PLCB1: variants seen among roughly 807,000 people sequenced by gnomAD.
PLCB1 encodes 1-phosphatidylinositol 4,5-bisphosphate phosphodiesterase beta-1.
PLCB1 carries 46 observed loss-of-function variants against 161.8 expected under a neutral mutation model. The observed-to-expected ratio is 0.28, with a 90% confidence interval of 0.22 to 0.36. The LOEUF is 0.36. Among genes scored for constraint, PLCB1 ranks in the 10% least tolerant of loss-of-function variants. PLCB1 has a pLI of 1.00. For synonymous variants in PLCB1, 517 were observed against 503.7 expected (o/e 1.03, Z -0.35); for missense variants, 1,016 against 1,472.5 (o/e 0.69, Z 5.07).
At chr20:8,483,639 C>T (rs2327070) in intron 3 of PLCB1, among the ~76,000 whole-genome samples, 73,859 of 151,822 alleles carry the variant, frequency 0.49, 18,961 homozygotes, top group East Asian at 0.66. Flanking sequence ...TAGATAACTT[C>T]GGGACATTTG....
intron 31 of PLCB1, among the ~76,000 whole-genome samples, chr20:8,876,104 G>A (rs948115208): frequency 6.6e-6 from 1 of 151,992 alleles, no homozygotes; most frequent in Non-Finnish European, 1.5e-5. Flanking sequence ...ATGACTAGTG[G>A]GCAATGTCTT....
chr20:8,273,682 T>C (rs1982394847), intron 2 of PLCB1, among the ~76,000 whole-genome samples: 2 of 152,168 alleles, frequency 1.3e-5, no homozygotes, highest in African/African-American at 2.4e-5. Flanking sequence ...TATTGTATTT[T>C]TGGAGCAATC....
chr20:8,541,404 C>T (rs1174315146), intron 3 of PLCB1, among the ~76,000 whole-genome samples: 1 of 152,106 alleles, frequency 6.6e-6, no homozygotes, highest in African/African-American at 2.4e-5. Context: ...GAGGAGTTGT[C>T]AATCTCCAGG....
intron 27 of PLCB1, among the ~76,000 whole-genome samples, chr20:8,779,217 T>C (rs6056103): frequency 0.92 from 140,665 of 152,094 alleles, 65,528 homozygotes; most frequent in East Asian, 1. Context: ...TCCGTAAACT[T>C]CCTGTCAGAT....
At chr20:8,725,853 C>T (rs1453221056) in intron 16 of PLCB1, among the ~76,000 whole-genome samples, 1 of 152,148 alleles carries the variant, frequency 6.6e-6, no homozygotes, top group Non-Finnish European at 1.5e-5. Context: ...CAGCTAGACT[C>T]ACAAACAAGC....
intron 2 of PLCB1, among the ~76,000 whole-genome samples, chr20:8,173,527 C>G (rs560258251): frequency 6.6e-6 from 1 of 152,268 alleles, no homozygotes; most frequent in African/African-American, 2.4e-5. Flanking sequence ...GGGTGACTAC[C>G]TGCTAAAAGG....
chr20:8,302,471 G>A (rs765258022), intron 2 of PLCB1, among the ~76,000 whole-genome samples: 4 of 152,158 alleles, frequency 2.6e-5, no homozygotes, highest in Non-Finnish European at 4.4e-5. Context: ...AAACAGGCTC[G>A]ATTGCGTCAA....
chr20:8,182,663 C>T (rs1185760821), intron 2 of PLCB1, among the ~76,000 whole-genome samples: 2 of 151,558 alleles, frequency 1.3e-5, no homozygotes, highest in African/African-American at 4.9e-5. Context: ...TCACTGCAAC[C>T]TCTGCCTCCC....
chr20:8,555,482 T>G (rs1322715629), intron 3 of PLCB1, among the ~76,000 whole-genome samples: 1 of 152,066 alleles, frequency 6.6e-6, no homozygotes, highest in African/African-American at 2.4e-5. Flanking sequence ...TCACTCAACA[T>G]GGGATGGGGC....
chr20:8,873,090 A>T lies in PLCB1; in HGVS notation c.3424-8532A>T, dbSNP rs1364409068. On this transcript the variant is annotated intron_variant, in intron 31 of 31. Coordinates refer to ENST00000338037, the MANE Select transcript of PLCB1 (RefSeq NM_015192.4). ...CATATTGACTCAAAGTCCCATGGCA[A>T]TTTATTCTAAGGAAACTTAGTGGAA... is the stretch of plus-strand genomic sequence containing the variant. Among the ~76,000 whole-genome samples the T allele has an allele frequency of 2.0e-5, 3 of 152,200 alleles. No homozygotes were observed. The East Asian group carries it at 5.8e-4, about 29-fold the overall frequency.
At chr20:8,158,525 C>T (rs111876416) in intron 2 of PLCB1, among the ~76,000 whole-genome samples, 2 of 152,214 alleles carry the variant, frequency 1.3e-5, no homozygotes, top group African/African-American at 4.8e-5. Flanking sequence ...AATCTCATGT[C>T]CTAATATTTC....
intron 27 of PLCB1, among the ~76,000 whole-genome samples, chr20:8,781,502 A>G (rs1213974664): frequency 2.0e-5 from 3 of 151,994 alleles, no homozygotes; most frequent in Non-Finnish European, 4.4e-5. Flanking sequence ...GCATTATGCC[A>G]TGGTGATTTT....
intron 3 of PLCB1, among the ~76,000 whole-genome samples, chr20:8,522,198 T>A (rs1042179488): frequency 1.3e-5 from 2 of 152,198 alleles, no homozygotes; most frequent in African/African-American, 2.4e-5. Context: ...AGATGCAATG[T>A]AGGATCTGGA....
chr20:8,188,551 G>A (rs1465556799), intron 2 of PLCB1, among the ~76,000 whole-genome samples: 2 of 152,142 alleles, frequency 1.3e-5, no homozygotes, highest in East Asian at 3.9e-4. Flanking sequence ...GGAGCAATGT[G>A]GATTGCTAGA....
chr20:8,203,093 A>ACG (rs781053153), intron 2 of PLCB1, among the ~76,000 whole-genome samples: 91 of 127,470 alleles, frequency 7.1e-4, no homozygotes, highest in African/African-American at 3.0e-3. Flanking sequence ...ATGCACACAC[A>ACG]CGCGCACACA....
chr20:8,788,247 T>C (rs1983584169), intron 27 of PLCB1, among the ~76,000 whole-genome samples: 1 of 152,226 alleles, frequency 6.6e-6, no homozygotes, highest in African/African-American at 2.4e-5. Context: ...ATAAGAAGAA[T>C]TTCATATTAA....
intron 3 of PLCB1, among the ~76,000 whole-genome samples, chr20:8,606,451 T>A (rs1441184693): frequency 3.3e-5 from 5 of 151,990 alleles, no homozygotes; most frequent in African/African-American, 7.3e-5. Context: ...TAAAAAAAAA[T>A]CCACAAGGTG....
chr20:8,203,948 TTC>T (rs1441837961), intron 2 of PLCB1, among the ~76,000 whole-genome samples: 5 of 152,186 alleles, frequency 3.3e-5, no homozygotes, highest in Admixed American at 2.0e-4. Flanking sequence ...CTTCCATCCC[TTC>T]TCTGTCTCAC....
intron 1 of PLCB1, among the ~76,000 whole-genome samples, chr20:8,136,581 G>A (rs534134339): frequency 8.0e-5 from 12 of 150,806 alleles, no homozygotes; most frequent in South Asian, 6.3e-4. Context: ...AGCCGAGATC[G>A]CGCCACTGCA....
Sources: gnomAD v4.1 joint callset for allele counts (sites outside exome capture counted in the v4.1 genomes callset) on GRCh38, gnomAD v4.1.1 for gene constraint, MANE v1.5 for transcripts, NCBI Gene and HGNC (gene_info 2026-07-23, HGNC 2026-07-21) for gene names.